The following CDH10 variants were observed in gnomAD, a reference collection of about 807,000 sequenced individuals.
The protein encoded by CDH10 is cadherin 10.
CDH10 carries 30 observed loss-of-function variants against 73.1 expected under a neutral mutation model. The ratio of observed to expected loss-of-function variants is 0.41; its 90% CI spans 0.31 to 0.56. CDH10 has a LOEUF of 0.56. CDH10 is among the 20% of genes least tolerant of loss of function. CDH10 has a pLI of 0.27. For missense variants in CDH10, 815 were observed against 973.7 expected, an observed-to-expected ratio of 0.84 and a Z score of 2.17; for synonymous variants, 345 against 348.2, an observed-to-expected ratio of 0.99 and a Z score of 0.10.
intron 1 of CDH10, among the ~76,000 whole-genome samples, chr5:24,635,825 A>G (rs1477564717): frequency 3.3e-5 from 5 of 151,940 alleles, no homozygotes; most frequent in Non-Finnish European, 7.4e-5. Context: ...AGATAAGTCA[A>G]CTGTGTGCCT....
intron 5 of CDH10, among the ~76,000 whole-genome samples, chr5:24,522,147 A>T (rs1163765439): frequency 8.1e-6 from 1 of 122,846 alleles, no homozygotes; most frequent in Non-Finnish European, 1.8e-5. Context: ...CAAACCAAAA[A>T]ACAAACAAAA....
At chr5:24,499,788 T>C (rs1742424671) in intron 8 of CDH10, among the ~76,000 whole-genome samples, 1 of 152,200 alleles carries the variant, frequency 6.6e-6, no homozygotes, top group South Asian at 2.1e-4. Flanking sequence ...AACAACCCTG[T>C]ATTGGTTATA....
At chr5:24,566,530 G>A (rs1344780649) in intron 2 of CDH10, among the ~76,000 whole-genome samples, 1 of 152,040 alleles carries the variant, frequency 6.6e-6, no homozygotes, top group African/African-American at 2.4e-5. Flanking sequence ...GAAGAGAATT[G>A]ATCATTCATA....
intron 5 of CDH10, among the ~76,000 whole-genome samples, chr5:24,518,889 T>G (rs1743208018): frequency 7.2e-6 from 1 of 138,428 alleles, no homozygotes; most frequent in South Asian, 2.4e-4. Flanking sequence ...GTGCACTTTT[T>G]TTTTTTTTTT....
chr5:24,626,884 A>G (rs945423769), intron 1 of CDH10, among the ~76,000 whole-genome samples: 1 of 34,616 alleles, frequency 2.9e-5, no homozygotes, highest in African/African-American at 3.8e-5. Context: ...AAGTGTATAT[A>G]TATGTGTATA....
intron 2 of CDH10, among the ~76,000 whole-genome samples, chr5:24,566,675 C>A (rs1008106382): frequency 5.3e-5 from 8 of 151,976 alleles, no homozygotes; most frequent in African/African-American, 1.7e-4. Flanking sequence ...AAAAAAATCA[C>A]CTATTTATAT....
intron 1 of CDH10, among the ~76,000 whole-genome samples, chr5:24,594,326 G>T (rs990720812): frequency 6.6e-6 from 1 of 151,868 alleles, no homozygotes; most frequent in Non-Finnish European, 1.5e-5. Context: ...TATACCCCAG[G>T]CTGACTATGG....
intron 5 of CDH10, among the ~76,000 whole-genome samples, chr5:24,513,947 G>A (rs1036320604): frequency 2.0e-5 from 3 of 151,998 alleles, no homozygotes; most frequent in African/African-American, 7.3e-5. Context: ...CCTATCATCC[G>A]TCATCACCAG....
At chr5:24,493,067 T>A in intron 9 of CDH10, 142 bp from the exon 10 acceptor site, 1 of 521,588 alleles carries the variant, frequency 1.9e-6, no homozygotes, top group Non-Finnish European at 3.4e-6. Context: ...TTAATCCATC[T>A]TTTTAGTATT....
chr5:24,640,337 T>G (rs1748006160), intron 1 of CDH10, among the ~76,000 whole-genome samples: 1 of 151,642 alleles, frequency 6.6e-6, no homozygotes. Context: ...GAAGATGACC[T>G]GCTAAATTTA....
chr5:24,606,757 G>A (rs1554025399), intron 1 of CDH10, among the ~76,000 whole-genome samples: 4 of 152,132 alleles, frequency 2.6e-5, no homozygotes, highest in Non-Finnish European at 5.9e-5. Context: ...TTAAGAGTAT[G>A]TAATTTTATG....
Position 24,644,578 on chromosome 5 carries a change from G to A in CDH10, c.-124+16C>T, listed in dbSNP as rs1192319149. 6.6e-6 allele frequency: 1 copy of A among 151,520 alleles called. No individual in the cohort carries two copies. The highest frequency in any genetic ancestry group is 2.4e-5 in the African/African-American group (1 of 41,208). The allele number at this position is 151,520 out of a possible 1,614,324, so 9.4% of individuals were successfully genotyped here. On this transcript the variant is annotated intron_variant, in intron 1 of 11. Coordinates refer to ENST00000264463, the MANE Select transcript of CDH10 (RefSeq NM_006727.5). ...TACCTTAACGGAGTTAAAAGAAAGAGGTGAAGTCTTCCTACCTTTTTTATC... is the reference window on the plus strand; with the variant it reads ...TACCTTAACGGAGTTAAAAGAAAGAAGTGAAGTCTTCCTACCTTTTTTATC...
At chr5:24,527,983 C>A (rs1294857872) in intron 5 of CDH10, among the ~76,000 whole-genome samples, 1 of 151,834 alleles carries the variant, frequency 6.6e-6, no homozygotes, top group African/African-American at 2.4e-5. Flanking sequence ...AATTACAGTT[C>A]ATTTTTATTT....
chr5:24,513,826 TC>T (rs917456079), intron 5 of CDH10, among the ~76,000 whole-genome samples: 1 of 152,246 alleles, frequency 6.6e-6, no homozygotes, highest in Non-Finnish European at 1.5e-5. Context: ...TTCTAATGGC[TC>T]CCCTGTTCTC....
intron 2 of CDH10, among the ~76,000 whole-genome samples, chr5:24,565,547 A>G (rs569267604): frequency 6.6e-6 from 1 of 152,316 alleles, no homozygotes; most frequent in African/African-American, 2.4e-5. Context: ...AGAAGACTCA[A>G]TGTTAAAATT....
chr5:24,509,501 A>G, intron 7 of CDH10, 65 bp downstream of exon 7: 1 of 1,485,598 alleles, frequency 6.7e-7, no homozygotes, highest in Non-Finnish European at 9.2e-7. Context: ...GGCCTCCCAA[A>G]GTGCTGGGAT....
At chr5:24,495,769 C>G (rs1400884396) in intron 9 of CDH10, among the ~76,000 whole-genome samples, 1 of 151,488 alleles carries the variant, frequency 6.6e-6, no homozygotes, top group Non-Finnish European at 1.5e-5. Context: ...ATCACTTGAA[C>G]CGAACCCAGG....
At chr5:24,499,299 A>G (rs1416637065) in intron 8 of CDH10, 1 of 152,634 alleles carries the variant, frequency 6.6e-6, no homozygotes, top group Non-Finnish European at 1.5e-5. Context: ...CTATTGTCAC[A>G]AATTAGCTCA....
At chr5:24,495,712 T>C (rs1452817228) in intron 9 of CDH10, among the ~76,000 whole-genome samples, 1 of 151,942 alleles carries the variant, frequency 6.6e-6, no homozygotes, top group Non-Finnish European at 1.5e-5. Context: ...GCGGGCGTGG[T>C]GGTGCGCACC....
Sources: allele counts gnomAD v4.1 joint callset (sites outside exome capture counted in the v4.1 genomes callset), GRCh38; gene constraint gnomAD v4.1.1; transcripts MANE v1.5; gene names NCBI Gene and HGNC (gene_info 2026-07-23, HGNC 2026-07-21).